The following STK39 variants were observed in gnomAD, a reference collection of about 807,000 sequenced individuals.
The protein encoded by STK39 is serine/threonine kinase 39, also known as STE20/SPS1-related proline-alanine-rich protein kinase.
A neutral mutation model predicts 77.8 loss-of-function variants in STK39; 20 were observed. That is an observed-to-expected ratio of 0.26 (90% CI 0.18 to 0.37). The LOEUF is 0.37. Among genes scored for constraint, STK39 ranks in the 10% least tolerant of loss-of-function variants. The pLI is 1.00. For missense variants in STK39, 479 were observed against 656.5 expected (o/e 0.73, Z 2.95); for synonymous variants, 246 against 234.1 (o/e 1.05, Z -0.47).
At chr2:168,029,758 T>A (rs972891434) in intron 14 of STK39, among the ~76,000 whole-genome samples, 4 of 152,176 alleles carry the variant, frequency 2.6e-5, no homozygotes, top group Non-Finnish European at 5.9e-5. Flanking sequence ...TAGACATAGA[T>A]CTTTCCCCTT....
intron 10 of STK39, among the ~76,000 whole-genome samples, chr2:168,086,282 T>C (rs763017858): frequency 2.1e-4 from 32 of 152,230 alleles, no homozygotes; most frequent in Non-Finnish European, 4.4e-4. Context: ...TTTCTAATTG[T>C]GTATACTCCA....
rs1683893587 is a variant in STK39, at chr2:167,998,059, T to TC, written c.1498+14574dup. On this transcript the variant is annotated intron_variant, in intron 16 of 17. Transcript: ENST00000355999. ...CTCCTCAAAAGATTGGAAAGCTCTT[T>TC]CCCTTAAAAGAAAGTATTACATAAA... 3.3e-5 allele frequency among the ~76,000 whole-genome samples: 5 copies of TC among 152,174 alleles called. No individual in the cohort carries two copies. In the South Asian group the frequency reaches 1.0e-3, roughly 32 times the overall value.
At chr2:168,240,358 C>G (rs1336522310) in intron 1 of STK39, among the ~76,000 whole-genome samples, 2 of 152,180 alleles carry the variant, frequency 1.3e-5, no homozygotes, top group Non-Finnish European at 2.9e-5. Context: ...ATAGCAGTAT[C>G]TTTCTGGTAG....
intron 5 of STK39, among the ~76,000 whole-genome samples, chr2:168,142,254 T>C (rs1222821293): frequency 1.3e-5 from 2 of 152,204 alleles, no homozygotes; most frequent in Non-Finnish European, 2.9e-5. Flanking sequence ...TGAATTAAAA[T>C]ATTTGTAAGC....
chr2:168,186,564 G>A (rs559114416), intron 1 of STK39, among the ~76,000 whole-genome samples: 1 of 152,226 alleles, frequency 6.6e-6, no homozygotes, highest in South Asian at 2.1e-4. Context: ...GGTTAGACAG[G>A]GATTCTATCC....
At chr2:168,211,953 TCA>T (rs1689902073) in intron 1 of STK39, among the ~76,000 whole-genome samples, 2 of 152,358 alleles carry the variant, frequency 1.3e-5, no homozygotes, top group South Asian at 2.1e-4. Context: ...CCCCACTCTG[TCA>T]CAGTTACTTT....
chr2:168,184,726 G>T (rs1689166133), intron 1 of STK39, among the ~76,000 whole-genome samples: 1 of 152,212 alleles, frequency 6.6e-6, no homozygotes, highest in Non-Finnish European at 1.5e-5. Flanking sequence ...CTGGGTGGAG[G>T]CCAGCATTGT....
At chr2:168,145,174 G>C (rs1517326) in intron 5 of STK39, among the ~76,000 whole-genome samples, 24,476 of 152,072 alleles carry the variant, frequency 0.16, 2,047 homozygotes, top group East Asian at 0.25. Context: ...ACAAATTCCA[G>C]ACAAAGAAAC....
At chr2:167,997,769 C>T (rs1056783863) in intron 16 of STK39, among the ~76,000 whole-genome samples, 8 of 152,174 alleles carry the variant, frequency 5.3e-5, no homozygotes, top group Non-Finnish European at 1.0e-4. Flanking sequence ...CACATAAAAA[C>T]TGATTTTACT....
At chr2:168,187,910 T>A (rs1233946588) in intron 1 of STK39, among the ~76,000 whole-genome samples, 1 of 152,132 alleles carries the variant, frequency 6.6e-6, no homozygotes, top group Non-Finnish European at 1.5e-5. Context: ...GCCTGTAACA[T>A]TAGTTATGGC....
chr2:168,156,752 C>A (rs1294096480), intron 5 of STK39, among the ~76,000 whole-genome samples: 2 of 152,222 alleles, frequency 1.3e-5, no homozygotes, highest in Non-Finnish European at 2.9e-5. Context: ...CAGGACTGAA[C>A]TATGGCTGTC....
At chr2:168,039,792 A>G (rs2105350389) in intron 14 of STK39, among the ~76,000 whole-genome samples, 1 of 152,332 alleles carries the variant, frequency 6.6e-6, no homozygotes, top group Admixed American at 6.5e-5. Flanking sequence ...AAGTGGATGC[A>G]ATTTATTATA....
chr2:168,133,197 C>T (rs982568801), intron 8 of STK39, among the ~76,000 whole-genome samples: 2 of 152,112 alleles, frequency 1.3e-5, no homozygotes, highest in Admixed American at 1.3e-4. Flanking sequence ...CCTTGAGATA[C>T]GGGGCTGGGA....
intron 14 of STK39, among the ~76,000 whole-genome samples, chr2:168,021,416 A>G (rs940576818): frequency 6.6e-6 from 1 of 152,190 alleles, no homozygotes; most frequent in Admixed American, 6.6e-5. Flanking sequence ...GATGAAATAT[A>G]GTTGGAAAAA....
At chr2:167,977,689 G>A (rs1261156778) in intron 16 of STK39, among the ~76,000 whole-genome samples, 1 of 152,100 alleles carries the variant, frequency 6.6e-6, no homozygotes, top group Non-Finnish European at 1.5e-5. Flanking sequence ...GAGGTTTTCA[G>A]TCTTGGAACC....
At position 168,189,277 on chromosome 2, in the gene STK39, A is replaced by G. The variant is rs116102565; in HGVS notation, c.209-7187T>C. On this transcript the variant is annotated intron_variant, in intron 1 of 17. Coordinates refer to ENST00000355999, the MANE Select transcript of STK39 (RefSeq NM_013233.3). ...AAGCAGCCCTTGTATATAACTCATC[A>G]AGAACCATCTGATAATACCACAGAA... Among the ~76,000 whole-genome samples the G allele has an allele frequency of 6.4e-3, 969 of 152,240 alleles. 9 individuals carry two copies. The highest frequency in any genetic ancestry group is 0.022 in the African/African-American group (910 of 41,534).
chr2:168,001,284 A>G (rs1683993680), intron 16 of STK39, among the ~76,000 whole-genome samples: 1 of 147,722 alleles, frequency 6.8e-6, no homozygotes, highest in Non-Finnish European at 1.5e-5. Flanking sequence ...AAAAAAAAAA[A>G]ACAACAACAA....
At chr2:168,072,561 G>T (rs1685968365) in intron 12 of STK39, among the ~76,000 whole-genome samples, 1 of 152,130 alleles carries the variant, frequency 6.6e-6, no homozygotes, top group Non-Finnish European at 1.5e-5. Flanking sequence ...ACTCCCATAA[G>T]AACGTGAGCT....
At chr2:167,973,363 G>T (rs542219251) in intron 16 of STK39, among the ~76,000 whole-genome samples, 3 of 152,168 alleles carry the variant, frequency 2.0e-5, no homozygotes, top group African/African-American at 7.2e-5. Flanking sequence ...TTAGATTCTA[G>T]ATAAGGCCTG....
Sources: allele counts gnomAD v4.1 joint callset (sites outside exome capture counted in the v4.1 genomes callset), GRCh38; gene constraint gnomAD v4.1.1; transcripts MANE v1.5; gene names NCBI Gene and HGNC (gene_info 2026-07-23, HGNC 2026-07-21).